USP42: variants seen among roughly 807,000 people sequenced by gnomAD.
USP42 encodes the protein ubiquitin specific peptidase 42.
Under a neutral mutation model 113.0 loss-of-function variants are expected in USP42, and 23 were observed. The observed-to-expected ratio is 0.20, with a 90% CI of 0.15 to 0.29. The LOEUF (loss-of-function observed/expected upper bound fraction) is 0.29, where lower values mean the gene tolerates loss of function less well. Ranked by LOEUF, USP42 falls within the 10% of genes least tolerant of loss-of-function variation. The pLI is 1.00. For synonymous variants in USP42, 933 were observed against 699.0 expected (o/e 1.33, Z -5.28); for missense variants, 2,174 against 1,779.8 (o/e 1.22, Z -3.99).
At chr7:6,141,668 C>G (rs905504170) in intron 7 of USP42, among the ~76,000 whole-genome samples, 5 of 151,868 alleles carry the variant, frequency 3.3e-5, no homozygotes, top group African/African-American at 1.2e-4. Context: ...AAGCATTTCC[C>G]CTGTCTCAGC....
At chr7:6,148,913 TTGC>T (rs1781872262) in intron 12 of USP42, among the ~76,000 whole-genome samples, 1 of 152,210 alleles carries the variant, frequency 6.6e-6, no homozygotes, top group South Asian at 2.1e-4. Context: ...GTGGTTGGCA[TTGC>T]TTTTCCAAAG....
At chr7:6,085,885 T>C in the USP42 span, among the ~76,000 whole-genome samples, 1 of 151,048 alleles carries the variant, frequency 6.6e-6, no homozygotes, top group Non-Finnish European at 1.5e-5. Context: ...GGTGCTGGGA[T>C]TACAGGCGTG....
chr7:6,141,662 A>G (rs1396752893), intron 7 of USP42, among the ~76,000 whole-genome samples: 2 of 151,334 alleles, frequency 1.3e-5, no homozygotes, highest in Non-Finnish European at 1.5e-5. Context: ...GGGTTCAAGC[A>G]TTTCCCCTGT....
rs753162238 is a variant in USP42, at chr7:6,143,019, G to A, written c.878+5G>A. The A allele has an allele frequency of 1.2e-4, 192 of 1,613,782 alleles. No homozygotes were observed. Among genetic ancestry groups the A allele is most frequent in the Non-Finnish European group, 1.5e-4 (181 of 1,179,802 alleles). ...AAACTCGTACAAGTGCAGCAAGTAC[G>A]TTGGGTGGTGACTTGATTCTTGATG... On this transcript the variant is annotated splice_donor_5th_base_variant and intron_variant, in intron 8 of 17. Coordinates refer to ENST00000306177, the MANE Select transcript of USP42 (RefSeq NM_032172.3).
At chr7:6,140,415 G>A (rs1781370894) in intron 6 of USP42, among the ~76,000 whole-genome samples, 1 of 152,194 alleles carries the variant, frequency 6.6e-6, no homozygotes, top group Non-Finnish European at 1.5e-5. Context: ...TGTGTGCACT[G>A]CTTCCATTTG....
At chr7:6,124,221 C>G (rs1250631032) in intron 3 of USP42, among the ~76,000 whole-genome samples, 1 of 151,786 alleles carries the variant, frequency 6.6e-6, no homozygotes, top group Non-Finnish European at 1.5e-5. Flanking sequence ...ATATTTTTTC[C>G]ATCTTTTTAT....
At chr7:6,114,148 A>C (rs531251862) in intron 2 of USP42, among the ~76,000 whole-genome samples, 1 of 152,218 alleles carries the variant, frequency 6.6e-6, no homozygotes, top group Non-Finnish European at 1.5e-5. Flanking sequence ...CTGAGTTCAA[A>C]ACCTGCTTCC....
upstream of USP42, among the ~76,000 whole-genome samples, chr7:6,100,569 A>T (rs534041970): frequency 3.9e-4 from 59 of 150,782 alleles, 5 homozygotes; most frequent in African/African-American, 1.4e-3. Context: ...ACCTCAGGTT[A>T]TCTGCTCATC....
rs1779583633 is a variant in USP42 at position 6,111,297 on chromosome 7, G to T, written c.164G>T (p.Gly55Val). ...NDVSNHTLSL[G>V]PVPGAVVYSS... ...GTGTCAAATCACACACTTTCTTTAG[G>T]ACCAGTACCTGGTGCTGTAGTTTAT... The change falls in exon 2 of 18, where the codon GGA (glycine) becomes GTA (valine). Residue 55 changes from glycine (G) to valine (V), a missense_variant. By Grantham distance (109) the Gly-to-Val change is moderately radical. Coordinates refer to ENST00000306177, the MANE Select transcript of USP42 (RefSeq NM_032172.3). 1 of 1,607,782 alleles carries T rather than the reference G, an allele frequency of 6.2e-7. No homozygotes were observed. Among genetic ancestry groups the T allele is most frequent in the East Asian group, 2.2e-5 (1 of 44,780 alleles).
intron 15 of USP42, 132 bp from the exon 16 acceptor site, chr7:6,156,622 C>T: frequency 7.3e-7 from 1 of 1,363,484 alleles, no homozygotes; most frequent in African/African-American, 1.5e-5. Flanking sequence ...GCCTACGTGG[C>T]TAATTAGATA....
At chr7:6,105,215 G>C (rs1779198861) in intron 1 of USP42, among the ~76,000 whole-genome samples, 183 bp downstream of exon 1, 1 of 145,300 alleles carries the variant, frequency 6.9e-6, no homozygotes, top group African/African-American at 2.5e-5. Flanking sequence ...GCCGCTCTGG[G>C]GGCTGCGGCG....
chr7:6,096,286 C>G, the USP42 span, among the ~76,000 whole-genome samples: 3 of 151,258 alleles, frequency 2.0e-5, no homozygotes, highest in Non-Finnish European at 4.4e-5. Context: ...CAGCTTATTA[C>G]TTGGTGCCAG....
intron 3 of USP42, among the ~76,000 whole-genome samples, chr7:6,124,935 C>CT (rs899389400): frequency 3.9e-4 from 59 of 151,928 alleles, no homozygotes; most frequent in African/African-American, 1.4e-3. Context: ...AGTCTCAGCA[C>CT]TTTGGGAGGC....
In USP42 at chr7:6,115,540, G is replaced by A; in HGVS notation, c.442+17G>A. On this transcript the variant is annotated intron_variant, in intron 3 of 17. Coordinates refer to ENST00000306177, the MANE Select transcript of USP42 (RefSeq NM_032172.3). Reference sequence around the variant, plus strand: ...CCAAAACATGTAAGTGTTCCGTGTTGTGTTTGTAGTATTGTAGTGCGCTAA... The same window carrying A: ...CCAAAACATGTAAGTGTTCCGTGTTATGTTTGTAGTATTGTAGTGCGCTAA... 2 of 1,613,574 alleles carry A rather than the reference G, an allele frequency of 1.2e-6. No individual in the cohort carries two copies. The highest frequency in any genetic ancestry group is 1.7e-6 in the Non-Finnish European group (2 of 1,179,616).
the USP42 span, chr7:6,084,802 T>A: frequency 6.7e-6 from 1 of 148,298 alleles, no homozygotes. Context: ...CACTGCAACC[T>A]CCACCTCCCG....
intron 3 of USP42, among the ~76,000 whole-genome samples, chr7:6,123,025 C>A (rs955468646): frequency 6.6e-6 from 1 of 151,130 alleles, no homozygotes; most frequent in Non-Finnish European, 1.5e-5. Flanking sequence ...GGGTTTCGCC[C>A]GTGTTGGCTA....
intron 4 of USP42, among the ~76,000 whole-genome samples, chr7:6,138,869 C>A (rs616946): frequency 0.028 from 3,724 of 131,594 alleles, 63 homozygotes; most frequent in Non-Finnish European, 0.042. Context: ...AAATGGTCTT[C>A]CGTGAAACCA....
the USP42 span, among the ~76,000 whole-genome samples, chr7:6,092,462 C>T: frequency 8.4e-3 from 1,273 of 150,934 alleles, 19 homozygotes; most frequent in Non-Finnish European, 0.015. Context: ...TACAGGCATG[C>T]GCCACCACGC....
intron 7 of USP42, among the ~76,000 whole-genome samples, chr7:6,141,637 C>T (rs947334624): frequency 2.0e-5 from 3 of 151,908 alleles, no homozygotes; most frequent in Admixed American, 2.0e-4. Context: ...CAGCTCACTG[C>T]ATCCTCCACC....
Sources: gnomAD v4.1 joint callset for allele counts (sites outside exome capture counted in the v4.1 genomes callset) on GRCh38, gnomAD v4.1.1 for gene constraint, MANE v1.5 for transcripts, NCBI Gene and HGNC (gene_info 2026-07-23, HGNC 2026-07-21) for gene names.